Variants in SYT1 observed in about 807,000 individuals in gnomAD.
SYT1 encodes the protein synaptotagmin-1.
In SYT1, 8 loss-of-function variants were observed where a neutral mutation model predicts 44.8. The observed-to-expected ratio is 0.18, with a 90% CI of 0.10 to 0.32. SYT1 has a LOEUF of 0.32. Ranked by LOEUF, SYT1 falls within the 10% of genes least tolerant of loss-of-function variation. The pLI is 1.00. For missense variants in SYT1, 286 were observed against 509.3 expected, an observed-to-expected ratio of 0.56 and a Z score of 4.22; for synonymous variants, 154 against 188.8, an observed-to-expected ratio of 0.82 and a Z score of 1.51.
At chr12:79,337,074 C>A (rs1178688775) in intron 8 of SYT1, among the ~76,000 whole-genome samples, 1 of 150,882 alleles carries the variant, frequency 6.6e-6, no homozygotes, top group Non-Finnish European at 1.5e-5. Context: ...TGGTTCCCCT[C>A]CCCCCAGTGT....
At chr12:79,179,023 TATAGATATATAGATATAG>T (rs1872130170) in intron 3 of SYT1, among the ~76,000 whole-genome samples, 1 of 46,386 alleles carries the variant, frequency 2.2e-5, no homozygotes, top group African/African-American at 8.8e-5. Flanking sequence ...TAGATATAGA[TATAGATATATAGATATAG>T]ATATAGATAT....
At chr12:79,398,559 G>T (rs1349698785) in intron 9 of SYT1, among the ~76,000 whole-genome samples, 1 of 152,056 alleles carries the variant, frequency 6.6e-6, no homozygotes, top group Non-Finnish European at 1.5e-5. Context: ...TCCTTATATG[G>T]TCCTTATTAT....
chr12:79,375,778 T>TG (rs1883969279), intron 9 of SYT1, among the ~76,000 whole-genome samples: 2 of 152,034 alleles, frequency 1.3e-5, no homozygotes, highest in Non-Finnish European at 2.9e-5. Context: ...CTCTAGATTG[T>TG]GGGGCCATGT....
chr12:79,424,953 C>CTTTTTTTTTTTTTTTTTTTTTTTCTTTT (rs398040025), intron 9 of SYT1, among the ~76,000 whole-genome samples: 1 of 85,254 alleles, frequency 1.2e-5, no homozygotes, highest in African/African-American at 4.6e-5. Flanking sequence ...TTTTCTTCTT[C>CTTTTTTTTTTTTTTTTTTTTTTTCTTTT]TTTTTTTTTT....
intron 1 of SYT1, among the ~76,000 whole-genome samples, chr12:78,944,257 T>C (rs1018260979): frequency 4.0e-5 from 6 of 149,860 alleles, no homozygotes; most frequent in Non-Finnish European, 4.4e-5. Context: ...TCCCCCTTCT[T>C]GCCATGTGTA....
chr12:79,348,877 AAGAC>A (rs988056139), intron 8 of SYT1, among the ~76,000 whole-genome samples: 6 of 151,678 alleles, frequency 4.0e-5, no homozygotes, highest in Admixed American at 6.6e-5. Flanking sequence ...GAAAGAAAGA[AAGAC>A]AGATGAAAAA....
chr12:79,163,519 G>T (rs928980440), intron 3 of SYT1, among the ~76,000 whole-genome samples: 1 of 151,974 alleles, frequency 6.6e-6, no homozygotes, highest in Non-Finnish European at 1.5e-5. Flanking sequence ...TTGATAACAC[G>T]GTCTAAAGAA....
chr12:78,925,174 C>A (rs919016076), intron 1 of SYT1, among the ~76,000 whole-genome samples: 4 of 151,904 alleles, frequency 2.6e-5, no homozygotes, highest in Non-Finnish European at 5.9e-5. Flanking sequence ...CCTTGGAGTT[C>A]ATTCTATCTT....
rs201032171 is a variant in SYT1 at position 78,981,785 on chromosome 12, A to G, written c.-84+3854A>G. On this transcript the variant is annotated intron_variant, in intron 2 of 10. Transcript: ENST00000261205. ...GAATACCTACTATGTAGTCAGCACT[A>G]TGCAAATTTTGTTACTTTTAGCCCA... Among the ~76,000 whole-genome samples, 18 of 152,346 alleles carry G rather than the reference A, an allele frequency of 1.2e-4. No homozygotes were observed. The East Asian group carries it at 3.5e-3, about 29-fold the overall frequency.
chr12:79,113,011 T>C (rs1463309342), intron 3 of SYT1, among the ~76,000 whole-genome samples: 1 of 152,152 alleles, frequency 6.6e-6, no homozygotes, highest in African/African-American at 2.4e-5. Context: ...TACAAAGAGA[T>C]AATGAACTTG....
intron 3 of SYT1, among the ~76,000 whole-genome samples, chr12:79,176,390 C>G (rs1330911006): frequency 1.3e-5 from 2 of 151,812 alleles, no homozygotes; most frequent in Admixed American, 1.3e-4. Context: ...AGCAAGAGAT[C>G]TAATGTTACC....
intron 3 of SYT1, 94 bp downstream of exon 3, chr12:79,047,456 A>G (rs995085004): frequency 2.0e-5 from 3 of 151,838 alleles, no homozygotes; most frequent in Non-Finnish European, 4.4e-5. Flanking sequence ...ATTTTCTAAG[A>G]TAATAAATTA....
At chr12:79,077,545 G>C (rs1206605600) in intron 3 of SYT1, among the ~76,000 whole-genome samples, 2 of 152,106 alleles carry the variant, frequency 1.3e-5, no homozygotes, top group Non-Finnish European at 2.9e-5. Flanking sequence ...ATGTTCTTGG[G>C]CAATTAATGG....
At chr12:79,181,046 G>A (rs1448488248) in intron 3 of SYT1, among the ~76,000 whole-genome samples, 5 of 152,002 alleles carry the variant, frequency 3.3e-5, no homozygotes, top group Non-Finnish European at 7.4e-5. Context: ...ACGTATATGC[G>A]TCCTCTCTGC....
At chr12:78,866,483 C>G (rs1481638699) in intron 1 of SYT1, among the ~76,000 whole-genome samples, 1 of 152,186 alleles carries the variant, frequency 6.6e-6, no homozygotes, top group African/African-American at 2.4e-5. Flanking sequence ...CACCAACATG[C>G]CCCTGGCTGC....
At position 79,218,011 on chromosome 12, in the gene SYT1, T is replaced by G. The variant is rs145445954; in HGVS notation, c.166+326T>G. Reference sequence around the variant, plus strand: ...GGGTTCTGTTATATTTATTTTGGATTTGCATTTATGAAATTATTTCATTGC... The same window carrying G: ...GGGTTCTGTTATATTTATTTTGGATGTGCATTTATGAAATTATTTCATTGC... On this transcript the variant is annotated intron_variant, in intron 4 of 10. Transcript: ENST00000261205. 2.6e-4 allele frequency among the ~76,000 whole-genome samples: 40 copies of G among 152,300 alleles called. 1 individual carries two copies. The East Asian group carries it at 7.5e-3, about 29-fold the overall frequency.
At chr12:79,211,626 T>G (rs976510857) in intron 3 of SYT1, among the ~76,000 whole-genome samples, 2 of 131,150 alleles carry the variant, frequency 1.5e-5, no homozygotes, top group Non-Finnish European at 3.1e-5. Flanking sequence ...GAGTGTGATA[T>G]TCCCCTTCCT....
At chr12:79,216,878 A>G (rs1874840328) in intron 3 of SYT1, among the ~76,000 whole-genome samples, 5 of 152,188 alleles carry the variant, frequency 3.3e-5, no homozygotes, top group African/African-American at 1.2e-4. Flanking sequence ...CAAGACAAGT[A>G]AATTATTGAT....
intron 3 of SYT1, among the ~76,000 whole-genome samples, chr12:79,101,626 T>C (rs1878450516): frequency 6.6e-6 from 1 of 152,158 alleles, no homozygotes; most frequent in Admixed American, 6.6e-5. Flanking sequence ...TATATAAATT[T>C]CCTCAATAAA....
Sources: gnomAD v4.1 joint callset for allele counts (sites outside exome capture counted in the v4.1 genomes callset) on GRCh38, gnomAD v4.1.1 for gene constraint, MANE v1.5 for transcripts, NCBI Gene and HGNC (gene_info 2026-07-23, HGNC 2026-07-21) for gene names.